The following TNS3 variants were observed in gnomAD, a reference collection of about 807,000 sequenced individuals.
TNS3 encodes tensin-3.
TNS3 carries 45 observed loss-of-function variants against 140.9 expected under a neutral mutation model. The ratio of observed to expected loss-of-function variants is 0.32; its 90% CI spans 0.25 to 0.41. The LOEUF (loss-of-function observed/expected upper bound fraction) is 0.41. TNS3 is among the 10% of genes least tolerant of loss of function. The pLI is 1.00. For missense variants in TNS3, 1,716 were observed against 1,906.7 expected (o/e 0.90, Z 1.86); for synonymous variants, 815 against 788.4 (o/e 1.03, Z -0.56).
intron 3 of TNS3, among the ~76,000 whole-genome samples, chr7:47,491,377 T>C (rs1365936651): frequency 3.9e-5 from 6 of 152,204 alleles, no homozygotes; most frequent in African/African-American, 7.2e-5. Flanking sequence ...CTGGCTCTGA[T>C]GAATTTACGG....
rs374029905 is a variant in TNS3 at position 47,429,029 on chromosome 7, T to G, written c.325-653A>C. Among the ~76,000 whole-genome samples, 12 of 152,184 alleles carry G rather than the reference T, an allele frequency of 7.9e-5. No homozygotes were observed. In the East Asian group the frequency reaches 1.9e-3, roughly 25 times the overall value. On this transcript the variant is annotated intron_variant, in intron 8 of 30. Transcript: ENST00000311160. ...GCCACCTTCACCCAGGGCCACAGAG[T>G]GCCACCTTCTAGAACATACTCTTAC...
intron 1 of TNS3, among the ~76,000 whole-genome samples, chr7:47,557,594 T>C (rs1800228367): frequency 6.6e-6 from 1 of 152,216 alleles, no homozygotes; most frequent in Non-Finnish European, 1.5e-5. Context: ...TATGGGAATA[T>C]GACGTGGCAA....
At chr7:47,475,453 AC>A in intron 4 of TNS3, among the ~76,000 whole-genome samples, 1 of 152,296 alleles carries the variant, frequency 6.6e-6, no homozygotes, top group South Asian at 2.1e-4. Flanking sequence ...ACCCTCCCAC[AC>A]CAGAGGCCGC....
chr7:47,334,959 G>GT (rs757218217), intron 20 of TNS3, among the ~76,000 whole-genome samples: 1 of 151,774 alleles, frequency 6.6e-6, no homozygotes, highest in Non-Finnish European at 1.5e-5. Flanking sequence ...TTATTCATTT[G>GT]TTTTGAAAAT....
chr7:47,327,195 G>T (rs909843282), intron 20 of TNS3, among the ~76,000 whole-genome samples: 5 of 152,236 alleles, frequency 3.3e-5, no homozygotes, highest in Non-Finnish European at 7.3e-5. Context: ...GGACAGTGAA[G>T]AAACAAAGCC....
In TNS3 at chr7:47,455,667, C is replaced by T. The variant is rs567926607; in HGVS notation, c.-75-13612G>A. Among the ~76,000 whole-genome samples the T allele has an allele frequency of 3.3e-5, 5 of 152,274 alleles. No individual in the cohort carries two copies. The East Asian group carries it at 9.6e-4, about 29-fold the overall frequency. On this transcript the variant is annotated intron_variant, in intron 4 of 30. Coordinates refer to ENST00000311160, the MANE Select transcript of TNS3 (RefSeq NM_022748.12). ...CTGTCCTGGAGGTGCTGGATAAGTA[C>T]ACATTTAAGACCCCATAAAGGAGAG... is the stretch of plus-strand genomic sequence containing the variant.
chr7:47,402,501 C>A lies in TNS3; in HGVS notation c.724-1587G>T, dbSNP rs571723472. 3.9e-5 allele frequency among the ~76,000 whole-genome samples: 6 copies of A among 152,360 alleles called. No homozygotes were observed. The East Asian group carries it at 1.2e-3, about 29-fold the overall frequency. On this transcript the variant is annotated intron_variant, in intron 13 of 30. Transcript: ENST00000311160. ...GTCCGAGACTGACTTCTCAGCAAGA[C>A]TCAATCAAAGGCTGCCCTTGCAGGG...
chr7:47,382,676 C>T (rs1408332802), intron 16 of TNS3, among the ~76,000 whole-genome samples: 1 of 151,986 alleles, frequency 6.6e-6, no homozygotes, highest in Non-Finnish European at 1.5e-5. Flanking sequence ...CCCAGTCCCC[C>T]ACCACCCCCT....
intron 1 of TNS3, among the ~76,000 whole-genome samples, chr7:47,549,189 A>G (rs372365190): frequency 6.6e-6 from 1 of 152,160 alleles, no homozygotes; most frequent in East Asian, 1.9e-4. Context: ...CCCTTAAAAA[A>G]TAAATAAATG....
chr7:47,563,894 C>A (rs73695393), intron 1 of TNS3, among the ~76,000 whole-genome samples: 5,349 of 152,234 alleles, frequency 0.035, 304 homozygotes, highest in African/African-American at 0.12. Flanking sequence ...GTATTTTTTA[C>A]ATATGATTAA....
chr7:47,419,763 T>A (rs1794273828), intron 10 of TNS3, among the ~76,000 whole-genome samples: 1 of 152,146 alleles, frequency 6.6e-6, no homozygotes, highest in African/African-American at 2.4e-5. Context: ...AACTGACAGC[T>A]CTACCTGACC....
Position 47,407,089 on chromosome 7 carries a change from C to T in TNS3, c.723+4638G>A, listed in dbSNP as rs1250598704. On this transcript the variant is annotated intron_variant, in intron 13 of 30. Transcript: ENST00000311160. The surrounding 1 kb of genome is among the most constrained non-coding windows in gnomAD (Gnocchi z 4.1). The stretch of plus-strand genomic sequence containing the variant: ...TTGCCAATAATGAGAAACGTGCAAC[C>T]GCATTTTTTTCTTCCTGTGTTGTTC... Among the ~76,000 whole-genome samples the T allele has an allele frequency of 6.6e-6, 1 of 152,102 alleles. No homozygotes were observed. The highest frequency in any genetic ancestry group is 6.6e-5 in the Admixed American group (1 of 15,266).
intron 20 of TNS3, 32 bp downstream of exon 20, chr7:47,344,723 G>A (rs528414041): frequency 8.8e-6 from 14 of 1,595,548 alleles, no homozygotes; most frequent in Middle Eastern, 2.3e-4. Flanking sequence ...CCTGAGTGCC[G>A]CGCGCCTGTG....
intron 4 of TNS3, among the ~76,000 whole-genome samples, chr7:47,462,040 G>A (rs115175092): frequency 7.4e-4 from 113 of 152,334 alleles, no homozygotes; most frequent in Middle Eastern, 3.4e-3. Context: ...GGGATGGTAC[G>A]TCAAAGACAG....
chr7:47,415,047 A>T (rs924788739), intron 11 of TNS3, 47 bp downstream of exon 11: 3 of 1,451,928 alleles, frequency 2.1e-6, no homozygotes, highest in Admixed American at 3.7e-5. Context: ...ACCAGCTCCA[A>T]GTCTGGGCCA....
Position 47,368,307 on chromosome 7 carries a change from A to G in TNS3, c.2281+58T>C, listed in dbSNP as rs573939834. ...ACCTACTAGGCTGATTTCTCATCAC[A>G]CATTAGCCTCCCGTGGAGCACCTCC... On this transcript the variant is annotated intron_variant, in intron 17 of 30. Transcript: ENST00000311160. The G allele has an allele frequency of 1.3e-4, 184 of 1,408,656 alleles. 2 individuals are homozygous for G. The South Asian group carries it at 2.9e-3, about 22-fold the overall frequency. The allele number at this position is 1,408,656 out of a possible 1,614,324, so 87.3% of individuals were successfully genotyped here.
chr7:47,344,938 G>A lies in TNS3; in HGVS notation c.2552C>T (p.Pro851Leu). The A allele has an allele frequency of 1.2e-6, 2 of 1,613,544 alleles. No individual in the cohort carries two copies. Among genetic ancestry groups the A allele is most frequent in the South Asian group, 2.2e-5 (2 of 91,070 alleles). ...MCSTPAFPVS[P>L]ETPYVKTALR... ...TTCATTCTTACCATACGGTGTCTCT[G>A]GAGACACAGGAAATGCTGGAGTTGA... Residue 851 changes from proline (P) to leucine (L), a missense_variant, in exon 19 of 31, where the codon CCA (proline) becomes CTA (leucine). This residue lies in a region of TNS3 where 1,163 missense variants were observed against 1,182.1 expected (regional missense o/e 0.98). Transcript: ENST00000311160.
At chr7:47,573,176 C>G (rs1800597396) in intron 1 of TNS3, among the ~76,000 whole-genome samples, 1 of 152,220 alleles carries the variant, frequency 6.6e-6, no homozygotes, top group African/African-American at 2.4e-5. Flanking sequence ...AACCAAGTAA[C>G]TTAACTATTC....
intron 1 of TNS3, among the ~76,000 whole-genome samples, chr7:47,560,036 G>T (rs982951106): frequency 6.6e-6 from 1 of 152,088 alleles, no homozygotes; most frequent in Admixed American, 6.5e-5. Flanking sequence ...TGCAAGAGCC[G>T]GCCGCGGGTC....
Sources: allele counts gnomAD v4.1 joint callset (sites outside exome capture counted in the v4.1 genomes callset), GRCh38; gene constraint gnomAD v4.1.1; regional missense constraint gnomAD v4.1.1; non-coding constraint Gnocchi (gnomAD v3.1); transcripts MANE v1.5; gene names NCBI Gene and HGNC (gene_info 2026-07-23, HGNC 2026-07-21).